RBMS3: variants seen among roughly 807,000 people sequenced by gnomAD.
RBMS3 encodes the protein RNA-binding motif, single-stranded-interacting protein 3.
RBMS3 carries 27 observed loss-of-function variants against 66.8 expected under a neutral mutation model. The ratio of observed to expected loss-of-function variants is 0.40; its 90% CI spans 0.30 to 0.56. RBMS3 has a LOEUF of 0.56. RBMS3 is among the 20% of genes least tolerant of loss of function. The pLI is 0.40. For missense variants in RBMS3, 513 were observed against 549.5 expected (o/e 0.93, Z 0.66); for synonymous variants, 188 against 183.0 (o/e 1.03, Z -0.22).
intron 6 of RBMS3, among the ~76,000 whole-genome samples, chr3:29,804,920 CGTGTGTGTGTGT>C (rs10576635): frequency 4.1e-5 from 6 of 146,320 alleles, no homozygotes; most frequent in African/African-American, 1.0e-4. Flanking sequence ...TCTGCGTGTA[CGTGTGTGTGTGT>C]GTGTGTGTGT....
At position 29,655,759 on chromosome 3, in the gene RBMS3, G is replaced by A. The variant is rs183623024; in HGVS notation, c.399+68554G>A. Among the ~76,000 whole-genome samples, 32 of 152,172 alleles carry A rather than the reference G, an allele frequency of 2.1e-4. No homozygotes were observed. In the South Asian group the frequency reaches 3.5e-3, roughly 17 times the overall value. ...TTAACTATAAAACAACCTCAGGCAG[G>A]TCCTTCATGAGATATTCCAGATGAA... On this transcript the variant is annotated intron_variant, in intron 4 of 14. Coordinates refer to ENST00000383767, the MANE Select transcript of RBMS3 (RefSeq NM_001003793.3).
rs145872073 is a variant in RBMS3 at position 29,521,423 on chromosome 3, A to G, written c.307+32924A>G. 3.9e-3 allele frequency among the ~76,000 whole-genome samples: 598 copies of G among 152,266 alleles called. 8 individuals are homozygous for G. The highest frequency in any genetic ancestry group is 0.014 in the African/African-American group (563 of 41,552). Reference sequence around the variant, plus strand: ...AATATCTGCTCATTTGCTTTCTCGTATTGGGCTTCTGTACTGAGTCAGACA... The same window carrying G: ...AATATCTGCTCATTTGCTTTCTCGTGTTGGGCTTCTGTACTGAGTCAGACA... On this transcript the variant is annotated intron_variant, in intron 3 of 14. Coordinates refer to ENST00000383767, the MANE Select transcript of RBMS3 (RefSeq NM_001003793.3).
chr3:29,310,693 C>T (rs887022702), intron 1 of RBMS3, among the ~76,000 whole-genome samples: 1 of 151,556 alleles, frequency 6.6e-6, no homozygotes, highest in African/African-American at 2.4e-5. Flanking sequence ...TCAGCCCCAC[C>T]CTCCAAGTTG....
chr3:29,321,071 C>T (rs975067794), intron 1 of RBMS3, among the ~76,000 whole-genome samples: 1 of 152,014 alleles, frequency 6.6e-6, no homozygotes, highest in East Asian at 1.9e-4. Flanking sequence ...CATACATCAC[C>T]TGCTCAGTTC....
chr3:29,989,132 A>G (rs1698647150), intron 13 of RBMS3, among the ~76,000 whole-genome samples: 1 of 152,206 alleles, frequency 6.6e-6, no homozygotes, highest in Non-Finnish European at 1.5e-5. Context: ...CAGACAAGAA[A>G]GAAGTTGTAC....
chr3:29,536,303 A>G (rs2045556234), intron 3 of RBMS3, among the ~76,000 whole-genome samples: 1 of 152,206 alleles, frequency 6.6e-6, no homozygotes, highest in Middle Eastern at 3.2e-3. Context: ...TGTGCATGTG[A>G]CTATTTTTCA....
chr3:29,517,445 T>A (rs2044687261), intron 3 of RBMS3, among the ~76,000 whole-genome samples: 1 of 151,906 alleles, frequency 6.6e-6, no homozygotes, highest in Admixed American at 6.6e-5. Flanking sequence ...GCCTTAGCCT[T>A]CCTAGTATTC....
At chr3:29,768,793 C>T (rs2056048364) in intron 6 of RBMS3, among the ~76,000 whole-genome samples, 1 of 151,910 alleles carries the variant, frequency 6.6e-6, no homozygotes, top group South Asian at 2.1e-4. Context: ...GAGAGGTTAT[C>T]TACAGTGGTC....
At chr3:29,690,215 C>T (rs975688187) in intron 4 of RBMS3, among the ~76,000 whole-genome samples, 3 of 151,886 alleles carry the variant, frequency 2.0e-5, no homozygotes, top group South Asian at 2.1e-4. Flanking sequence ...TTTGGAAGCC[C>T]GAAGTGGGAG....
chr3:29,598,661 G>T (rs757567993), intron 4 of RBMS3, among the ~76,000 whole-genome samples: 2 of 151,958 alleles, frequency 1.3e-5, no homozygotes, highest in East Asian at 3.9e-4. Flanking sequence ...TGCTGAGTAT[G>T]ATTCATTTGA....
At chr3:29,328,740 G>T (rs1419361033) in intron 1 of RBMS3, among the ~76,000 whole-genome samples, 1 of 152,088 alleles carries the variant, frequency 6.6e-6, no homozygotes, top group African/African-American at 2.4e-5. Context: ...TCATAAAGGT[G>T]CTCAGAGCAC....
At chr3:29,494,661 G>A (rs759671375) in intron 3 of RBMS3, among the ~76,000 whole-genome samples, 2 of 152,304 alleles carry the variant, frequency 1.3e-5, no homozygotes, top group South Asian at 4.1e-4. Context: ...TTCTGGATCA[G>A]TGTATTTGCT....
chr3:29,928,604 C>T (rs1255140676), intron 10 of RBMS3, among the ~76,000 whole-genome samples: 2 of 152,068 alleles, frequency 1.3e-5, no homozygotes, highest in Non-Finnish European at 2.9e-5. Context: ...CAAATAGTCT[C>T]ATTTTTTCAC....
At chr3:29,336,284 T>C (rs148124454) in intron 1 of RBMS3, among the ~76,000 whole-genome samples, 1 of 152,280 alleles carries the variant, frequency 6.6e-6, no homozygotes, top group Non-Finnish European at 1.5e-5. Flanking sequence ...CATATTTTGC[T>C]CAAGGATGCT....
intron 4 of RBMS3, among the ~76,000 whole-genome samples, chr3:29,608,096 A>G (rs922955151): frequency 2.0e-5 from 3 of 151,770 alleles, no homozygotes; most frequent in Non-Finnish European, 1.5e-5. Flanking sequence ...TCACTCTTCA[A>G]GAATACATTA....
Position 29,827,125 on chromosome 3 carries a change from T to C in RBMS3, c.638-41733T>C, listed in dbSNP as rs540702879. Among the ~76,000 whole-genome samples, 5 of 152,282 alleles carry C rather than the reference T, an allele frequency of 3.3e-5. No homozygotes were observed. In the South Asian group the frequency reaches 8.3e-4, roughly 25 times the overall value. On this transcript the variant is annotated intron_variant, in intron 6 of 14. Transcript: ENST00000383767. ...AGGTTAAGTGCCTGATCTGAGATGA[T>C]ACCTCTGCTATATGGTCATGGGGGC...
chr3:29,725,599 A>AAATAAACTAG (rs2053830746), intron 4 of RBMS3, among the ~76,000 whole-genome samples: 1 of 150,852 alleles, frequency 6.6e-6, no homozygotes, highest in Admixed American at 6.6e-5. Context: ...CACCTCTATG[A>AAATAAACTAG]AAAATCTAGA....
chr3:29,644,054 C>T (rs1023183854), intron 4 of RBMS3, among the ~76,000 whole-genome samples: 23 of 152,164 alleles, frequency 1.5e-4, no homozygotes, highest in Non-Finnish European at 4.4e-5. Context: ...TCAAACATTT[C>T]TCCAGCTTCT....
At chr3:29,782,113 C>T (rs2056653423) in intron 6 of RBMS3, among the ~76,000 whole-genome samples, 2 of 152,074 alleles carry the variant, frequency 1.3e-5, no homozygotes, top group Admixed American at 1.3e-4. Flanking sequence ...CTGCACACTG[C>T]CTGAGAAGCC....
Sources: allele counts gnomAD v4.1 joint callset (sites outside exome capture counted in the v4.1 genomes callset), GRCh38; gene constraint gnomAD v4.1.1; transcripts MANE v1.5; gene names NCBI Gene and HGNC (gene_info 2026-07-23, HGNC 2026-07-21).